IQCM: variants seen among roughly 807,000 people sequenced by gnomAD.
IQCM encodes the protein IQ domain-containing protein M.
In IQCM, 45 loss-of-function variants were observed where a neutral mutation model predicts 57.6. The observed-to-expected ratio is 0.78, with a 90% CI of 0.62 to 1.00. IQCM has a LOEUF of 1.00. IQCM is among the 50% of genes least tolerant of loss of function. The probability of loss-of-function intolerance (pLI) is 0.00; values close to 1 mark genes in which losing one functional copy is unlikely to be tolerated. For synonymous variants in IQCM, 148 were observed against 158.9 expected, an observed-to-expected ratio of 0.93 and a Z score of 0.51; for missense variants, 468 against 511.6, an observed-to-expected ratio of 0.91 and a Z score of 0.82.
intron 7 of IQCM, among the ~76,000 whole-genome samples, chr4:149,633,256 A>G (rs1757450268): frequency 6.6e-6 from 1 of 151,788 alleles, no homozygotes; most frequent in Non-Finnish European, 1.5e-5. Flanking sequence ...AAGACTTTCT[A>G]TTATTGTGAT....
At chr4:149,400,634 C>A (rs984430290) in intron 13 of IQCM, among the ~76,000 whole-genome samples, 1 of 151,848 alleles carries the variant, frequency 6.6e-6, no homozygotes, top group Non-Finnish European at 1.5e-5. Context: ...CAGGTTAATA[C>A]CACCAGCCCT....
At chr4:149,605,366 G>A (rs979514732) in intron 8 of IQCM, among the ~76,000 whole-genome samples, 2 of 152,074 alleles carry the variant, frequency 1.3e-5, no homozygotes, top group South Asian at 4.1e-4. Flanking sequence ...TTTTATGTGG[G>A]TGGGACTGTG....
chr4:149,635,171 C>T (rs978825771), intron 7 of IQCM, among the ~76,000 whole-genome samples: 2 of 152,086 alleles, frequency 1.3e-5, no homozygotes, highest in African/African-American at 4.8e-5. Flanking sequence ...CAAAGTGTGA[C>T]TTTAAAAAAG....
intron 3 of IQCM, among the ~76,000 whole-genome samples, chr4:149,735,842 A>G (rs1031251419): frequency 1.3e-5 from 2 of 152,194 alleles, no homozygotes; most frequent in African/African-American, 4.8e-5. Flanking sequence ...TGATAAAATT[A>G]TAACTGTAAA....
intron 2 of IQCM, among the ~76,000 whole-genome samples, chr4:149,743,519 A>G (rs1049171573): frequency 1.3e-5 from 2 of 152,320 alleles, no homozygotes; most frequent in African/African-American, 2.4e-5. Flanking sequence ...TGCCTTGAAA[A>G]CAAAACTATA....
intron 12 of IQCM, among the ~76,000 whole-genome samples, chr4:149,455,876 G>A (rs546841384): frequency 4.0e-5 from 6 of 151,864 alleles, no homozygotes; most frequent in Non-Finnish European, 8.8e-5. Context: ...TAGGGAGATT[G>A]AGGCAGGAGG....
At chr4:149,392,525 A>T (rs1388281454) in intron 13 of IQCM, among the ~76,000 whole-genome samples, 1 of 152,034 alleles carries the variant, frequency 6.6e-6, no homozygotes, top group Non-Finnish European at 1.5e-5. Flanking sequence ...TGACCTGAAT[A>T]CTAGGAAGAT....
chr4:149,371,455 A>G (rs1730363900), intron 13 of IQCM, among the ~76,000 whole-genome samples: 1 of 152,102 alleles, frequency 6.6e-6, no homozygotes, highest in East Asian at 1.9e-4. Flanking sequence ...TTTATTAACT[A>G]TCCACCTCCT....
chr4:149,361,854 C>T (rs747478634), intron 13 of IQCM, among the ~76,000 whole-genome samples: 1 of 152,172 alleles, frequency 6.6e-6, no homozygotes, highest in South Asian at 2.1e-4. Flanking sequence ...GGCCACCTTA[C>T]TCCAAATCCC....
In IQCM at chr4:149,717,150, A is replaced by G. The variant is rs145600675; in HGVS notation, c.385+16094T>C. On this transcript the variant is annotated intron_variant, in intron 5 of 13. Transcript: ENST00000636793. ...TTCTGTGAGCTGAGAAAATTCATCA[A>G]ACTGAGTTGGGAGTTGTGGAAACCC... Among the ~76,000 whole-genome samples the G allele has an allele frequency of 1.3e-4, 20 of 152,306 alleles. No individual in the cohort carries two copies. In the East Asian group the frequency reaches 3.9e-3, roughly 29 times the overall value.
intron 7 of IQCM, among the ~76,000 whole-genome samples, chr4:149,660,101 C>G (rs1377953918): frequency 1.1e-4 from 16 of 151,168 alleles, no homozygotes; most frequent in Admixed American, 5.9e-4. Flanking sequence ...GGGCTAATAT[C>G]CAGAATCTAC....
At chr4:149,787,604 A>G (rs1772190500) in intron 2 of IQCM, among the ~76,000 whole-genome samples, 1 of 152,188 alleles carries the variant, frequency 6.6e-6, no homozygotes. Context: ...CATCCTCCTC[A>G]ATAAATGATG....
chr4:149,774,719 C>G (rs985346496), intron 2 of IQCM, among the ~76,000 whole-genome samples: 4 of 150,128 alleles, frequency 2.7e-5, no homozygotes, highest in Non-Finnish European at 3.0e-5. Flanking sequence ...GAGCTTCTTC[C>G]TTCTCTCTTC....
chr4:149,453,677 C>T (rs1300412155), intron 12 of IQCM, among the ~76,000 whole-genome samples: 1 of 151,910 alleles, frequency 6.6e-6, no homozygotes, highest in African/African-American at 2.4e-5. Context: ...TACCACTTCA[C>T]ATCTACTAGA....
chr4:149,379,247 C>T (rs923971375), intron 13 of IQCM, among the ~76,000 whole-genome samples: 1 of 152,210 alleles, frequency 6.6e-6, no homozygotes, highest in African/African-American at 2.4e-5. Context: ...ACACAGAGTC[C>T]TCATTGGGGC....
chr4:149,650,651 A>C (rs2359578), intron 7 of IQCM, among the ~76,000 whole-genome samples: 32,113 of 151,890 alleles, frequency 0.21, 4,239 homozygotes, highest in Non-Finnish European at 0.28. Context: ...CGACCTCCCA[A>C]AGTGCTGACA....
Position 149,563,750 on chromosome 4 carries a change from A to G in IQCM, c.890T>C (p.Met297Thr), listed in dbSNP as rs554142394. Residue 297 changes from methionine to threonine, a missense_variant, in exon 10 of 14, where the codon ATG (methionine) becomes ACG (threonine). Met to Thr is a moderately conservative substitution (Grantham distance 81). Transcript: ENST00000636793. The part of the protein sequence containing the change: ...TPKLIRMVTV[M>T]QAHVRGWLER... ...AAGCCATCCCCTGACATGTGCCTGC[A>G]TGACGGTGACCATTCTAATCAATTT... 8.1e-7 allele frequency: 1 copy of G among 1,232,090 alleles called. No homozygotes were observed. The highest frequency in any genetic ancestry group is 3.2e-5 in the East Asian group (1 of 31,704). The allele number at this position is 1,232,090 out of a possible 1,614,324, so 76.3% of individuals were successfully genotyped here.
intron 13 of IQCM, among the ~76,000 whole-genome samples, chr4:149,419,158 AC>A (rs1231199006): frequency 6.6e-6 from 1 of 152,168 alleles, no homozygotes; most frequent in African/African-American, 2.4e-5. Flanking sequence ...TTCATATGGA[AC>A]CAAAAAAAGA....
At chr4:149,426,230 C>T (rs1397683201) in intron 13 of IQCM, among the ~76,000 whole-genome samples, 1 of 152,004 alleles carries the variant, frequency 6.6e-6, no homozygotes, top group African/African-American at 2.4e-5. Flanking sequence ...AAACACACTT[C>T]TGAAAGCCAA....
Sources: allele counts gnomAD v4.1 joint callset (sites outside exome capture counted in the v4.1 genomes callset), GRCh38; gene constraint gnomAD v4.1.1; transcripts MANE v1.5; gene names NCBI Gene and HGNC (gene_info 2026-07-23, HGNC 2026-07-21).